KCNIP4: variants seen among roughly 807,000 people sequenced by gnomAD.
KCNIP4 encodes the protein Kv channel-interacting protein 4.
In KCNIP4, 12 loss-of-function variants were observed where a neutral mutation model predicts 34.0. That is an observed-to-expected ratio of 0.35 (90% CI 0.23 to 0.57). The LOEUF is 0.57. KCNIP4 is among the 20% of genes least tolerant of loss of function. KCNIP4 has a pLI of 0.83. For synonymous variants in KCNIP4, 124 were observed against 102.2 expected (o/e 1.21, Z -1.29); for missense variants, 238 against 311.7 (o/e 0.76, Z 1.78).
intron 1 of KCNIP4, among the ~76,000 whole-genome samples, chr4:21,099,605 A>G (rs1013439735): frequency 1.3e-5 from 2 of 152,278 alleles, no homozygotes; most frequent in East Asian, 3.9e-4. Context: ...CACATATACC[A>G]TGGAACTTAA....
At chr4:21,083,269 CT>C (rs940668125) in intron 1 of KCNIP4, among the ~76,000 whole-genome samples, 10 of 151,594 alleles carry the variant, frequency 6.6e-5, no homozygotes, top group African/African-American at 2.4e-4. Context: ...CTTCCTCTCT[CT>C]TTTTTTTCTC....
At chr4:21,277,745 C>G (rs1415032562) in intron 1 of KCNIP4, among the ~76,000 whole-genome samples, 2 of 152,052 alleles carry the variant, frequency 1.3e-5, no homozygotes, top group South Asian at 2.1e-4. Context: ...AAACACATTT[C>G]AAGGAAATAA....
intron 1 of KCNIP4, among the ~76,000 whole-genome samples, chr4:21,542,750 CAA>C (rs566483850): frequency 6.7e-6 from 1 of 150,244 alleles, no homozygotes; most frequent in Non-Finnish European, 1.5e-5. Flanking sequence ...ATCATTAGTA[CAA>C]GAGAGAGAAA....
At position 20,858,305 on chromosome 4, in the gene KCNIP4, T is replaced by C. The variant is rs1323255655; in HGVS notation, c.164-7638A>G. On this transcript the variant is annotated intron_variant, in intron 2 of 8. Transcript: ENST00000382152. ...GCCATGTGAAGATGGAGTGGGAAGATGGCTCACAGCTGGTACCTTGACCTT... is the reference window on the plus strand; with the variant it reads ...GCCATGTGAAGATGGAGTGGGAAGACGGCTCACAGCTGGTACCTTGACCTT... 3.3e-5 allele frequency among the ~76,000 whole-genome samples: 5 copies of C among 149,342 alleles called. 1 individual carries two copies. In the South Asian group the frequency reaches 6.3e-4, roughly 19 times the overall value.
intron 1 of KCNIP4, among the ~76,000 whole-genome samples, chr4:20,900,863 A>C (rs1459119242): frequency 6.6e-6 from 1 of 152,184 alleles, no homozygotes; most frequent in African/African-American, 2.4e-5. Context: ...GGAGAAAGCA[A>C]TATTGTGTTC....
At chr4:21,640,343 A>C in intron 1 of KCNIP4, among the ~76,000 whole-genome samples, 1 of 152,168 alleles carries the variant, frequency 6.6e-6, no homozygotes, top group East Asian at 1.9e-4. Flanking sequence ...ATTTTCCGGC[A>C]GACAAAAGCA....
At chr4:20,872,153 TC>T (rs1560532026) in intron 2 of KCNIP4, among the ~76,000 whole-genome samples, 1 of 152,112 alleles carries the variant, frequency 6.6e-6, no homozygotes, top group South Asian at 2.1e-4. Flanking sequence ...ATTTTTAATA[TC>T]CTCAGGAACA....
intron 1 of KCNIP4, among the ~76,000 whole-genome samples, chr4:21,474,616 C>A (rs1338263154): frequency 6.6e-6 from 1 of 152,094 alleles, no homozygotes; most frequent in East Asian, 1.9e-4. Context: ...TCTGCAGAAG[C>A]TGTCCCAGGT....
rs192880012 is a variant in KCNIP4 at position 21,396,393 on chromosome 4, T to A, written c.62-513684A>T. ...CAAGATGGTGAAACTCTGTCTCTACTAAAAATACAAAAATTAGCTGAGCAT... is the reference window on the plus strand; with the variant it reads ...CAAGATGGTGAAACTCTGTCTCTACAAAAAATACAAAAATTAGCTGAGCAT... On this transcript the variant is annotated intron_variant, in intron 1 of 8. Transcript: ENST00000382152. Among the ~76,000 whole-genome samples the A allele has an allele frequency of 2.0e-3, 302 of 151,326 alleles. 2 individuals carry two copies. Among genetic ancestry groups the A allele is most frequent in the African/African-American group, 7.0e-3 (291 of 41,346 alleles).
chr4:21,676,273 T>C (rs377702623), intron 1 of KCNIP4, among the ~76,000 whole-genome samples: 74 of 152,228 alleles, frequency 4.9e-4, no homozygotes, highest in African/African-American at 1.7e-3. Context: ...AATTAGAAAA[T>C]ATGAAATGAA....
intron 1 of KCNIP4, among the ~76,000 whole-genome samples, chr4:21,837,544 A>AAG (rs1553936451): frequency 2.1e-5 from 3 of 142,664 alleles, no homozygotes; most frequent in Non-Finnish European, 4.7e-5. Flanking sequence ...AAAAAAAAAA[A>AAG]AAAGAAAAAG....
chr4:21,938,067 T>A (rs900229503), intron 1 of KCNIP4, among the ~76,000 whole-genome samples: 20 of 152,130 alleles, frequency 1.3e-4, no homozygotes, highest in African/African-American at 4.6e-4. Context: ...TACTGTTCCC[T>A]GATTGTAGTA....
intron 1 of KCNIP4, among the ~76,000 whole-genome samples, chr4:20,982,381 A>G (rs1005506901): frequency 1.1e-4 from 17 of 152,236 alleles, no homozygotes; most frequent in African/African-American, 4.1e-4. Flanking sequence ...TTAAGACACC[A>G]GCATTTAGTG....
In KCNIP4 at chr4:20,758,913, A is replaced by G. The variant is rs753775512; in HGVS notation, c.289-23T>C. 102 of 1,600,236 alleles carry G rather than the reference A, an allele frequency of 6.4e-5. No homozygotes were observed. In the East Asian group the frequency reaches 2.1e-3, roughly 33 times the overall value. ...TTCCTAGGGAAAGTGGCAGAGAAGC[A>G]ATATGAGCAAAGTGTTCATAAAACT... On this transcript the variant is annotated intron_variant, in intron 3 of 8. Coordinates refer to ENST00000382152, the MANE Select transcript of KCNIP4 (RefSeq NM_025221.6).
At chr4:21,518,197 T>C (rs1472192656) in intron 1 of KCNIP4, among the ~76,000 whole-genome samples, 1 of 152,134 alleles carries the variant, frequency 6.6e-6, no homozygotes, top group African/African-American at 2.4e-5. Flanking sequence ...CATCAAACAT[T>C]CACTGGCTAT....
intron 1 of KCNIP4, among the ~76,000 whole-genome samples, chr4:21,034,432 T>A (rs1193914994): frequency 6.6e-6 from 1 of 152,184 alleles, no homozygotes; most frequent in Non-Finnish European, 1.5e-5. Context: ...TTCTGTTTTG[T>A]TTCTCCTTTC....
chr4:21,773,742 G>GTTTTT (rs1553930230), intron 1 of KCNIP4, among the ~76,000 whole-genome samples: 67 of 34,370 alleles, frequency 1.9e-3, no homozygotes, highest in Middle Eastern at 0.042. Flanking sequence ...GTTTTTTTTT[G>GTTTTT]TTGTTTTTTT....
intron 3 of KCNIP4, among the ~76,000 whole-genome samples, chr4:20,824,606 GGA>G (rs1717500867): frequency 6.6e-6 from 1 of 152,112 alleles, no homozygotes; most frequent in South Asian, 2.1e-4. Flanking sequence ...CTTGAACCCT[GGA>G]GGCAGAGGTT....
chr4:21,519,449 T>TATACACATATGTGTGTATATGTATGTGC (rs1735126601), intron 1 of KCNIP4, among the ~76,000 whole-genome samples: 1 of 39,754 alleles, frequency 2.5e-5, no homozygotes, highest in Non-Finnish European at 5.3e-5. Flanking sequence ...TATGTATGTG[T>TATACACATATGTGTGTATATGTATGTGC]ATATACACAT....
Sources: gnomAD v4.1 joint callset for allele counts (sites outside exome capture counted in the v4.1 genomes callset) on GRCh38, gnomAD v4.1.1 for gene constraint, MANE v1.5 for transcripts, NCBI Gene and HGNC (gene_info 2026-07-23, HGNC 2026-07-21) for gene names.